PCDH15: variants seen among roughly 807,000 people sequenced by gnomAD.
PCDH15 encodes protocadherin related 15.
In PCDH15, 129 loss-of-function variants were observed where a neutral mutation model predicts 178.5. The observed-to-expected ratio is 0.72, with a 90% CI of 0.63 to 0.84. The LOEUF (loss-of-function observed/expected upper bound fraction) is 0.84, where lower values mean the gene tolerates loss of function less well. Ranked by LOEUF, PCDH15 falls within the 40% of genes least tolerant of loss-of-function variation. The pLI, the probability that PCDH15 is intolerant of heterozygous loss-of-function variation, is 0.00. For missense variants in PCDH15, 2,230 were observed against 2,099.9 expected, an observed-to-expected ratio of 1.06 and a Z score of -1.21; for synonymous variants, 800 against 732.0, an observed-to-expected ratio of 1.09 and a Z score of -1.50.
At chr10:54,009,373 T>C (rs983930521) in intron 20 of PCDH15, among the ~76,000 whole-genome samples, 4 of 150,680 alleles carry the variant, frequency 2.7e-5, no homozygotes, top group Non-Finnish European at 5.9e-5. Context: ...GTTTAGGGTG[T>C]CCGAGGATGG....
rs142177369 is a variant in PCDH15, at chr10:54,320,872, A to T, written c.706-3431T>A. Among the ~76,000 whole-genome samples the T allele has an allele frequency of 3.8e-3, 583 of 151,992 alleles. 3 individuals carry two copies. The highest frequency in any genetic ancestry group is 0.013 in the African/African-American group (534 of 41,530). ...GTGACCTCATAAAGATTAGTAGGTT[A>T]TATTTTCACATATATTTCCCTTTGT... is the stretch of plus-strand genomic sequence containing the variant. On this transcript the variant is annotated intron_variant, in intron 7 of 37. Coordinates refer to ENST00000644397, the MANE Select transcript of PCDH15 (RefSeq NM_001384140.1).
At chr10:54,036,799 T>A (rs2093427261) in intron 18 of PCDH15, among the ~76,000 whole-genome samples, 1 of 151,952 alleles carries the variant, frequency 6.6e-6, no homozygotes, top group African/African-American at 2.4e-5. Context: ...TTGATAGTTA[T>A]TCCTCTGATG....
At chr10:54,857,202 C>T (rs1431071498) in intron 3 of PCDH15, among the ~76,000 whole-genome samples, 2 of 151,908 alleles carry the variant, frequency 1.3e-5, no homozygotes, top group Non-Finnish European at 2.9e-5. Context: ...CAGATATTTG[C>T]TAAATAACAG....
chr10:55,396,651 AG>A (rs1177340533), intron 2 of PCDH15, among the ~76,000 whole-genome samples: 2 of 152,196 alleles, frequency 1.3e-5, no homozygotes, highest in Non-Finnish European at 2.9e-5. Flanking sequence ...TCAAAACCAC[AG>A]GGTCATACAC....
chr10:55,503,546 C>A (rs187692128), intron 2 of PCDH15, among the ~76,000 whole-genome samples: 217 of 150,794 alleles, frequency 1.4e-3, no homozygotes, highest in African/African-American at 4.7e-3. Context: ...GCATAGGAAG[C>A]CAGAGGACAA....
At chr10:55,236,201 C>A (rs957962279) in intron 1 of PCDH15, among the ~76,000 whole-genome samples, 2 of 151,830 alleles carry the variant, frequency 1.3e-5, no homozygotes, top group Non-Finnish European at 2.9e-5. Flanking sequence ...CGTCTTGTTG[C>A]ATATTAGATA....
At chr10:54,920,627 A>G (rs573925905) in intron 2 of PCDH15, among the ~76,000 whole-genome samples, 42 of 152,264 alleles carry the variant, frequency 2.8e-4, no homozygotes, top group African/African-American at 7.9e-4. Flanking sequence ...TTATTTTTCA[A>G]CCATAGAAAC....
chr10:54,892,622 TAAAC>T (rs1954481988), intron 3 of PCDH15, among the ~76,000 whole-genome samples: 1 of 151,432 alleles, frequency 6.6e-6, no homozygotes, highest in South Asian at 2.1e-4. Flanking sequence ...AACCAATAAT[TAAAC>T]AAACAACATT....
At position 54,122,040 on chromosome 10, in the gene PCDH15, G is replaced by GAC. The variant is rs755929854; in HGVS notation, c.1917+10833_1917+10834dup. Among the ~76,000 whole-genome samples, 199 of 127,072 alleles carry GAC rather than the reference G, an allele frequency of 1.6e-3. 1 individual carries two copies. Among genetic ancestry groups the GAC allele is most frequent in the South Asian group, 7.9e-3 (30 of 3,810 alleles). The allele number at this position is 127,072 out of a possible 152,430, so 83.4% of individuals were successfully genotyped here. On this transcript the variant is annotated intron_variant, in intron 15 of 37. Coordinates refer to ENST00000644397, the MANE Select transcript of PCDH15 (RefSeq NM_001384140.1). ...ACACACACACACACACACAGAGACAGACACACACACACACACAATGAAACT... is the reference window on the plus strand; with the variant it reads ...ACACACACACACACACACAGAGACAGACACACACACACACACACAATGAAACT...
chr10:54,533,839 C>A (rs1306409606), intron 2 of PCDH15, among the ~76,000 whole-genome samples: 1 of 152,026 alleles, frequency 6.6e-6, no homozygotes, highest in African/African-American at 2.4e-5. Flanking sequence ...CATTTCAAAT[C>A]TTTGGGGGAG....
intron 1 of PCDH15, among the ~76,000 whole-genome samples, chr10:55,185,872 G>T (rs1308821731): frequency 6.6e-6 from 1 of 151,648 alleles, no homozygotes; most frequent in Non-Finnish European, 1.5e-5. Flanking sequence ...AAACTGTTTG[G>T]ATTGAAATAT....
At chr10:54,106,883 T>A (rs539895954) in intron 15 of PCDH15, among the ~76,000 whole-genome samples, 1 of 152,296 alleles carries the variant, frequency 6.6e-6, no homozygotes, top group African/African-American at 2.4e-5. Context: ...AAATAAACAG[T>A]TAAAACATTG....
intron 8 of PCDH15, among the ~76,000 whole-genome samples, chr10:54,237,548 C>G (rs2054763390): frequency 6.6e-6 from 1 of 152,066 alleles, no homozygotes; most frequent in South Asian, 2.1e-4. Flanking sequence ...ATGTCCAGTA[C>G]TATTTTGTTG....
intron 1 of PCDH15, among the ~76,000 whole-genome samples, chr10:54,739,243 A>G (rs1187431192): frequency 6.6e-6 from 1 of 152,014 alleles, no homozygotes; most frequent in African/African-American, 2.4e-5. Context: ...ATCAACATAC[A>G]ACAATTAATA....
intron 8 of PCDH15, among the ~76,000 whole-genome samples, chr10:54,242,121 ATTCTATTT>A (rs1164673695): frequency 1.0e-4 from 10 of 95,468 alleles, no homozygotes; most frequent in African/African-American, 3.5e-4. Flanking sequence ...TTTGGTCTGA[ATTCTATTT>A]TTATATATAT....
At chr10:55,481,217 T>A (rs1224874108) in intron 2 of PCDH15, among the ~76,000 whole-genome samples, 1 of 151,878 alleles carries the variant, frequency 6.6e-6, no homozygotes, top group African/African-American at 2.4e-5. Flanking sequence ...TTTATTTGAA[T>A]CTTTTCTGTT....
chr10:55,449,977 G>A (rs1299684595), intron 2 of PCDH15, among the ~76,000 whole-genome samples: 1 of 151,870 alleles, frequency 6.6e-6, no homozygotes, highest in Non-Finnish European at 1.5e-5. Flanking sequence ...GAGGACTCTG[G>A]GAACATATAA....
intron 1 of PCDH15, among the ~76,000 whole-genome samples, chr10:55,183,728 T>A (rs554918552): frequency 1.3e-5 from 2 of 151,842 alleles, no homozygotes; most frequent in African/African-American, 2.4e-5. Context: ...GATGAATGCC[T>A]CCAGCAGAAT....
At chr10:55,186,982 A>G (rs570802386) in intron 1 of PCDH15, among the ~76,000 whole-genome samples, 1 of 152,088 alleles carries the variant, frequency 6.6e-6, no homozygotes, top group African/African-American at 2.4e-5. Context: ...AATAAATAAC[A>G]TAATCATTTT....
Sources: allele counts gnomAD v4.1 joint callset (sites outside exome capture counted in the v4.1 genomes callset), GRCh38; gene constraint gnomAD v4.1.1; transcripts MANE v1.5; gene names NCBI Gene and HGNC (gene_info 2026-07-23, HGNC 2026-07-21).